Variants in RGPD2 observed in about 807,000 individuals in gnomAD.
RGPD2 encodes the protein RANBP2 like and GRIP domain containing 2, also known as RANBP2-like and GRIP domain-containing protein 2.
A neutral mutation model predicts 36.0 loss-of-function variants in RGPD2; 2 were observed. That is an observed-to-expected ratio of 0.06 (90% CI 0.02 to 0.17). The LOEUF (loss-of-function observed/expected upper bound fraction) is 0.17. Ranked by LOEUF, RGPD2 falls within the 10% of genes least tolerant of loss-of-function variation. RGPD2 has a pLI of 1.00. For synonymous variants in RGPD2, 19 were observed against 163.8 expected (o/e 0.12, Z 6.75); for missense variants, 40 against 464.3 (o/e 0.09, Z 8.40).
chr2:87,830,835 C>T, the RGPD2 span, among the ~76,000 whole-genome samples: 1 of 152,018 alleles, frequency 6.6e-6, no homozygotes, highest in African/African-American at 2.4e-5. Context: ...ACTGGAAAAA[C>T]CCACCCCCAT....
At chr2:87,972,812 T>G in the RGPD2 span, 42 of 1,611,696 alleles carry the variant, frequency 2.6e-5, no homozygotes, top group Admixed American at 3.3e-4. Flanking sequence ...CTGCACCTAC[T>G]ACTATGAGCT....
At chr2:87,957,868 C>T in the RGPD2 span, among the ~76,000 whole-genome samples, 725 of 152,346 alleles carry the variant, frequency 4.8e-3, no homozygotes, top group African/African-American at 0.016. Flanking sequence ...AAGAGAATCT[C>T]AGAAAATTAC....
upstream of RGPD2, among the ~76,000 whole-genome samples, chr2:87,829,509 A>G (rs1225261064): frequency 6.6e-6 from 1 of 152,124 alleles, no homozygotes; most frequent in Non-Finnish European, 1.5e-5. Context: ...AAAACAAAAA[A>G]ACAGAAGTTT....
the RGPD2 span, among the ~76,000 whole-genome samples, chr2:87,847,575 T>C: frequency 6.6e-6 from 1 of 150,728 alleles, no homozygotes; most frequent in Admixed American, 6.6e-5. Context: ...CTCGACTCAC[T>C]GTAACCTCCG....
the RGPD2 span, among the ~76,000 whole-genome samples, chr2:87,963,700 A>G: frequency 9.4e-6 from 1 of 106,250 alleles, no homozygotes; most frequent in East Asian, 2.3e-4. Context: ...AAAAAAAAAA[A>G]GGAAACCAAG....
rs1170265171 is a variant in RGPD2, at chr2:87,825,373, GGCCGCC to G, written c.72+279_72+284del. On this transcript the variant is annotated intron_variant, in intron 1 of 22. Transcript: ENST00000398146. Reference sequence around the variant, plus strand: ...TAATCTTCTCGGGCTCCTACGCCGAGGCCGCCGCCGCCGCCGCCGCCGCCCGGCCAG... The same window carrying G: ...TAATCTTCTCGGGCTCCTACGCCGAGGCCGCCGCCGCCGCCGCCCGGCCAG... Among the ~76,000 whole-genome samples the G allele has an allele frequency of 4.8e-3, 651 of 135,748 alleles. 4 individuals carry two copies. The highest frequency in any genetic ancestry group is 6.0e-3 in the Non-Finnish European group (385 of 63,960). 89.1% of individuals were successfully genotyped at this position (135,748 alleles called of 152,430 possible).
chr2:87,922,022 G>A, the RGPD2 span, among the ~76,000 whole-genome samples: 5 of 150,978 alleles, frequency 3.3e-5, no homozygotes, highest in South Asian at 2.1e-4. Flanking sequence ...GGCCCGGCAC[G>A]GTGGCTCACG....
the RGPD2 span, among the ~76,000 whole-genome samples, chr2:87,853,517 C>T: frequency 6.6e-6 from 1 of 151,414 alleles, no homozygotes; most frequent in Non-Finnish European, 1.5e-5. Flanking sequence ...ACCACCACAC[C>T]TGGCCTTTTA....
chr2:87,825,522 CGGCCGA>C lies in RGPD2; in HGVS notation c.72+130_72+135del, dbSNP rs1307876190. The C allele has an allele frequency of 1.3e-4, 58 of 436,354 alleles. No individual in the cohort carries two copies. The East Asian group carries it at 2.8e-3, about 21-fold the overall frequency. The allele number at this position is 436,354 out of a possible 1,614,324, so 27.0% of individuals were successfully genotyped here. A position where few individuals can be genotyped will look rare whatever the true frequency, so the allele number is the denominator to read the frequency against. On this transcript the variant is annotated intron_variant, in intron 1 of 22. Coordinates refer to ENST00000398146, the MANE Select transcript of RGPD2 (RefSeq NM_001078170.3). ...CGAGGCCGAGGCCGAGGCCGCCGCC[CGGCCGA>C]GGCCGAGGCCGAGGCCGCCGCCCGG...
chr2:87,846,576 T>C, the RGPD2 span, among the ~76,000 whole-genome samples: 1 of 152,126 alleles, frequency 6.6e-6, no homozygotes, highest in Non-Finnish European at 1.5e-5. Flanking sequence ...TTAAATATTC[T>C]GATGAACATT....
At chr2:87,982,979 A>G in the RGPD2 span, among the ~76,000 whole-genome samples, 1 of 102,138 alleles carries the variant, frequency 9.8e-6, no homozygotes, top group Non-Finnish European at 2.0e-5. Context: ...CATGTAATAA[A>G]GAACAGAAAA....
At chr2:87,966,707 G>A in the RGPD2 span, among the ~76,000 whole-genome samples, 25,047 of 143,982 alleles carry the variant, frequency 0.17, 716 homozygotes, top group Non-Finnish European at 0.19. Flanking sequence ...TGGGCAGATC[G>A]CTTCAGGTCA....
chr2:87,847,008 G>T, the RGPD2 span, among the ~76,000 whole-genome samples: 2 of 150,696 alleles, frequency 1.3e-5, no homozygotes, highest in Non-Finnish European at 3.0e-5. Context: ...TAATGACAAT[G>T]CAGTTGTGTT....
chr2:87,910,358 T>G, the RGPD2 span, among the ~76,000 whole-genome samples: 1 of 150,888 alleles, frequency 6.6e-6, no homozygotes, highest in African/African-American at 2.4e-5. Flanking sequence ...CCAAATTCTT[T>G]GCCTCATGTT....
Position 87,825,525 on chromosome 2 carries a change from C to CCAGGT in RGPD2, c.72+132_72+133insACCTG, listed in dbSNP as rs1558739906. ...GGCCGAGGCCGAGGCCGCCGCCCGG[C>CCAGGT]CGAGGCCGAGGCCGAGGCCGCCGCC... On this transcript the variant is annotated intron_variant, in intron 1 of 22. Transcript: ENST00000398146. 46 of 529,564 alleles carry CCAGGT rather than the reference C, an allele frequency of 8.7e-5. 2 individuals carry two copies. In the East Asian group the frequency reaches 1.0e-3, roughly 11 times the overall value. 32.8% of individuals were successfully genotyped at this position (529,564 alleles called of 1,614,324 possible). A position where few individuals can be genotyped will look rare whatever the true frequency, so the allele number is the denominator to read the frequency against.
the RGPD2 span, among the ~76,000 whole-genome samples, chr2:87,934,471 A>T: frequency 7.3e-6 from 1 of 136,058 alleles, no homozygotes; most frequent in African/African-American, 2.9e-5. Context: ...GTCAATTAAT[A>T]CAAATATTTT....
the RGPD2 span, among the ~76,000 whole-genome samples, chr2:87,986,500 G>A: frequency 6.6e-6 from 1 of 151,934 alleles, no homozygotes; most frequent in Non-Finnish European, 1.5e-5. Flanking sequence ...GTTTGCCAGA[G>A]ACAGTCCTGA....
intron 18 of RGPD2, among the ~76,000 whole-genome samples, chr2:87,785,417 C>G (rs1199789218): frequency 1.0e-5 from 1 of 96,998 alleles, no homozygotes; most frequent in Non-Finnish European, 2.1e-5. Flanking sequence ...AACTACCTCA[C>G]AAGCATTAAA....
intron 1 of RGPD2, chr2:87,824,844 C>G (rs1381245000): frequency 1.7e-5 from 1 of 59,558 alleles, no homozygotes; most frequent in East Asian, 6.3e-4. Context: ...CGCCGCCGCC[C>G]GGCCAGGCCG....
Sources: allele counts gnomAD v4.1 joint callset (sites outside exome capture counted in the v4.1 genomes callset), GRCh38; gene constraint gnomAD v4.1.1; transcripts MANE v1.5; gene names NCBI Gene and HGNC (gene_info 2026-07-23, HGNC 2026-07-21).